Variants in KCNN2 observed in about 807,000 individuals in gnomAD.
KCNN2 encodes the protein small conductance calcium-activated potassium channel protein 2.
Under a neutral mutation model 55.5 loss-of-function variants are expected in KCNN2, and 24 were observed. The ratio of observed to expected loss-of-function variants is 0.43; its 90% CI spans 0.31 to 0.61. The LOEUF (loss-of-function observed/expected upper bound fraction) is 0.61. Among genes scored for constraint, KCNN2 ranks in the 20% least tolerant of loss-of-function variants. The probability of loss-of-function intolerance (pLI) is 0.08; values close to 1 mark genes in which losing one functional copy is unlikely to be tolerated. For synonymous variants in KCNN2, 431 were observed against 336.1 expected (o/e 1.28, Z -3.09); for missense variants, 754 against 853.6 (o/e 0.88, Z 1.45).
At chr5:114,179,764 C>T (rs1274328698) in intron 1 of KCNN2, among the ~76,000 whole-genome samples, 1 of 152,096 alleles carries the variant, frequency 6.6e-6, no homozygotes, top group Non-Finnish European at 1.5e-5. Flanking sequence ...TAAAATAAGA[C>T]TCAGCCATAT....
At chr5:114,368,566 C>A (rs774804133) in intron 2 of KCNN2, among the ~76,000 whole-genome samples, 1 of 152,118 alleles carries the variant, frequency 6.6e-6, no homozygotes, top group Non-Finnish European at 1.5e-5. Context: ...ACAGAGTGTT[C>A]CCTTTGCTAC....
intron 3 of KCNN2, among the ~76,000 whole-genome samples, chr5:114,419,745 A>G (rs1240135212): frequency 2.0e-5 from 3 of 152,176 alleles, no homozygotes; most frequent in Non-Finnish European, 2.9e-5. Flanking sequence ...TATCCCAGCA[A>G]TTGGGAGGCC....
intron 1 of KCNN2, among the ~76,000 whole-genome samples, chr5:114,078,652 G>A (rs192573783): frequency 2.0e-5 from 3 of 152,216 alleles, no homozygotes; most frequent in Non-Finnish European, 4.4e-5. Flanking sequence ...AAAAGGTGGA[G>A]ATGGCTGTAT....
intron 2 of KCNN2, among the ~76,000 whole-genome samples, chr5:114,352,633 C>G (rs934554784): frequency 2.6e-5 from 4 of 151,660 alleles, no homozygotes; most frequent in Non-Finnish European, 5.9e-5. Flanking sequence ...ATTTTGTTTT[C>G]ATTTATCTTT....
At chr5:114,380,886 C>T (rs1289073200) in intron 2 of KCNN2, among the ~76,000 whole-genome samples, 3 of 152,128 alleles carry the variant, frequency 2.0e-5, no homozygotes, top group African/African-American at 7.2e-5. Flanking sequence ...GAGGGCAGCT[C>T]CCTGGGGGCA....
intron 1 of KCNN2, among the ~76,000 whole-genome samples, chr5:114,202,583 A>ATTTTTT (rs201896679): frequency 7.4e-4 from 41 of 55,396 alleles, no homozygotes; most frequent in African/African-American, 2.0e-3. Context: ...ATATATATAT[A>ATTTTTT]TATTTTTTTT....
At chr5:114,080,341 C>T (rs1053927322) in intron 1 of KCNN2, among the ~76,000 whole-genome samples, 1 of 152,204 alleles carries the variant, frequency 6.6e-6, no homozygotes, top group African/African-American at 2.4e-5. Flanking sequence ...AATTTTTTCT[C>T]TCTCATCCAT....
intron 2 of KCNN2, among the ~76,000 whole-genome samples, chr5:114,263,372 G>T (rs949447870): frequency 1.1e-4 from 16 of 150,508 alleles, no homozygotes; most frequent in African/African-American, 3.9e-4. Flanking sequence ...AACTCAGAAA[G>T]TTGTTATTTA....
intron 6 of KCNN2, chr5:114,490,696 G>A (rs1158384648): frequency 5.0e-6 from 2 of 397,866 alleles, no homozygotes; most frequent in Non-Finnish European, 8.9e-6. Context: ...AATAGAGCTC[G>A]GAAGTAAGTT....
At chr5:114,158,229 C>T (rs539849510) in intron 1 of KCNN2, among the ~76,000 whole-genome samples, 3 of 152,274 alleles carry the variant, frequency 2.0e-5, no homozygotes, top group Admixed American at 6.5e-5. Flanking sequence ...TATGACTAGC[C>T]AGTTTTCCCA....
intron 1 of KCNN2, among the ~76,000 whole-genome samples, chr5:114,107,583 A>G (rs1751515886): frequency 6.6e-6 from 1 of 151,608 alleles, no homozygotes; most frequent in Admixed American, 6.6e-5. Flanking sequence ...GTTATTTTGT[A>G]GAGACGAAGG....
At chr5:114,435,452 G>C (rs982697390) in intron 3 of KCNN2, among the ~76,000 whole-genome samples, 1 of 151,650 alleles carries the variant, frequency 6.6e-6, no homozygotes, top group Non-Finnish European at 1.5e-5. Context: ...AACTCCTTTG[G>C]GCCAGAAACT....
intron 2 of KCNN2, among the ~76,000 whole-genome samples, chr5:114,232,906 AT>A (rs1314180401): frequency 8.9e-6 from 1 of 112,924 alleles, no homozygotes; most frequent in Non-Finnish European, 1.8e-5. Flanking sequence ...TTCAGAGGTA[AT>A]TTTTTATATT....
At chr5:114,139,922 C>A (rs201903935) in intron 1 of KCNN2, among the ~76,000 whole-genome samples, 1 of 151,738 alleles carries the variant, frequency 6.6e-6, no homozygotes, top group African/African-American at 2.4e-5. Flanking sequence ...AGACTTCAAC[C>A]AAAATAACAT....
chr5:114,155,041 T>A (rs1474303711), intron 1 of KCNN2, among the ~76,000 whole-genome samples: 1 of 151,948 alleles, frequency 6.6e-6, no homozygotes, highest in Admixed American at 6.6e-5. Context: ...CTCCTCACAC[T>A]CTCCACCCTC....
intron 2 of KCNN2, among the ~76,000 whole-genome samples, chr5:114,262,218 A>C (rs1435083177): frequency 6.6e-6 from 1 of 152,190 alleles, no homozygotes; most frequent in Non-Finnish European, 1.5e-5. Flanking sequence ...GCAATTTAAA[A>C]AGTTATCTTT....
At chr5:114,490,211 A>G (rs1028937574) in intron 6 of KCNN2, among the ~76,000 whole-genome samples, 2 of 152,136 alleles carry the variant, frequency 1.3e-5, no homozygotes, top group Non-Finnish European at 2.9e-5. Flanking sequence ...AATCCAATCT[A>G]CTTGATTTGT....
intron 3 of KCNN2, among the ~76,000 whole-genome samples, chr5:114,455,287 G>C (rs1234431840): frequency 1.3e-5 from 2 of 152,102 alleles, no homozygotes; most frequent in African/African-American, 4.8e-5. Context: ...AATTCTTGTA[G>C]CTTCTCAAAC....
intron 1 of KCNN2, among the ~76,000 whole-genome samples, chr5:114,062,512 G>C (rs2721316): frequency 0.97 from 147,156 of 152,298 alleles, 71,296 homozygotes; most frequent in Middle Eastern, 1. Flanking sequence ...CAAAGTTTAT[G>C]AAAAGTGAGT....
Sources: gnomAD v4.1 joint callset for allele counts (sites outside exome capture counted in the v4.1 genomes callset) on GRCh38, gnomAD v4.1.1 for gene constraint, MANE v1.5 for transcripts, NCBI Gene and HGNC (gene_info 2026-07-23, HGNC 2026-07-21) for gene names.